TSHZ2: variants seen among roughly 807,000 people sequenced by gnomAD.
TSHZ2 encodes the protein teashirt homolog 2.
In TSHZ2, 21 loss-of-function variants were observed where a neutral mutation model predicts 74.4. The ratio of observed to expected loss-of-function variants is 0.28; its 90% confidence interval spans 0.20 to 0.41. The LOEUF is 0.41. Among genes scored for constraint, TSHZ2 ranks in the 10% least tolerant of loss-of-function variants. The probability of loss-of-function intolerance (pLI) is 1.00; values close to 1 mark genes in which losing one functional copy is unlikely to be tolerated. For missense variants in TSHZ2, 1,244 were observed against 1,293.5 expected, an observed-to-expected ratio of 0.96 and a Z score of 0.59; for synonymous variants, 540 against 515.3, an observed-to-expected ratio of 1.05 and a Z score of -0.65.
rs80347569 is a variant in TSHZ2, at chr20:53,331,872, G to A, written c.*8+75301G>A. Among the ~76,000 whole-genome samples, 189 of 152,206 alleles carry A rather than the reference G, an allele frequency of 1.2e-3. 1 individual carries two copies. Among genetic ancestry groups the A allele is most frequent in the African/African-American group, 4.5e-3 (188 of 41,528 alleles). On this transcript the variant is annotated intron_variant, in intron 2 of 2. Coordinates refer to ENST00000371497, the MANE Select transcript of TSHZ2 (RefSeq NM_173485.6). ...CTGGGCTTGATGGGCCAAGGGGAAT[G>A]GATGATGTTTGGAATCTGCAAATAG... is the stretch of plus-strand genomic sequence containing the variant.
intron 1 of TSHZ2, among the ~76,000 whole-genome samples, chr20:53,175,640 G>A (rs1330854520): frequency 2.0e-5 from 3 of 152,214 alleles, no homozygotes; most frequent in Non-Finnish European, 4.4e-5. Context: ...CCACAGATAA[G>A]CAGCTGAGGC....
At chr20:53,073,374 CTCCA>C (rs961217352) in intron 1 of TSHZ2, among the ~76,000 whole-genome samples, 7 of 149,018 alleles carry the variant, frequency 4.7e-5, no homozygotes, top group East Asian at 2.0e-4. Flanking sequence ...CCCTCCCTCC[CTCCA>C]TCCATTCATC....
At chr20:53,375,853 T>C (rs972065435) in intron 2 of TSHZ2, among the ~76,000 whole-genome samples, 1 of 152,220 alleles carries the variant, frequency 6.6e-6, no homozygotes, top group African/African-American at 2.4e-5. Flanking sequence ...ACAGTAGTTC[T>C]GGGTACTAAC....
In TSHZ2 at chr20:53,126,779, G is replaced by A. The variant is rs978857887; in HGVS notation, c.41-126720G>A. On this transcript the variant is annotated intron_variant, in intron 1 of 2. Transcript: ENST00000371497. Reference sequence around the variant, plus strand: ...AGTCTATAGCGCGAGGTAGTCATTTGCAACTACTTGACAAGCACCCCGAGG... The same window carrying A: ...AGTCTATAGCGCGAGGTAGTCATTTACAACTACTTGACAAGCACCCCGAGG... Among the ~76,000 whole-genome samples the A allele has an allele frequency of 3.9e-5, 6 of 152,270 alleles. No homozygotes were observed. The South Asian group carries it at 1.2e-3, about 32-fold the overall frequency.
At chr20:53,056,760 A>G (rs1206576542) in intron 1 of TSHZ2, among the ~76,000 whole-genome samples, 1 of 152,150 alleles carries the variant, frequency 6.6e-6, no homozygotes, top group Non-Finnish European at 1.5e-5. Flanking sequence ...CTTTCCCTGC[A>G]CCTGGACATG....
At chr20:53,001,214 G>GTGTGTGTGTGTGTGTGTGTGTA (rs1555813559) in intron 1 of TSHZ2, among the ~76,000 whole-genome samples, 2 of 125,892 alleles carry the variant, frequency 1.6e-5, no homozygotes, top group Non-Finnish European at 3.3e-5. Context: ...GCGTGTGTGT[G>GTGTGTGTGTGTGTGTGTGTGTA]TGTGTGTGTG....
chr20:53,445,864 T>C (rs1406791180), intron 2 of TSHZ2, among the ~76,000 whole-genome samples: 2 of 152,208 alleles, frequency 1.3e-5, no homozygotes, highest in Non-Finnish European at 2.9e-5. Flanking sequence ...GTCATGCCAT[T>C]GTCCTACTTG....
chr20:53,204,427 A>G (rs540184373), intron 1 of TSHZ2, among the ~76,000 whole-genome samples: 1 of 142,922 alleles, frequency 7.0e-6, no homozygotes, highest in Non-Finnish European at 1.5e-5. Flanking sequence ...TGATACTATT[A>G]TATCATAATA....
rs1426617368 is a variant in TSHZ2, at chr20:53,254,955, A to G, written c.1497A>G (p.Gln499=). 3 of 1,614,062 alleles carry G rather than the reference A, an allele frequency of 1.9e-6. No homozygotes were observed. Among genetic ancestry groups the G allele is most frequent in the African/African-American group, 1.3e-5 (1 of 75,028 alleles). The change falls in exon 2 of 3, where the codon CAA becomes CAG. Residue 499 remains glutamine, a synonymous_variant. Transcript: ENST00000371497. ...CTTTAGACCCTACAATCAAATATCA[A>G]TACCTAAGGGAGGAAGACTTGGAAG... ...QKPLDPTIKY[Q]YLREEDLEDG... is the part of the protein sequence containing the mutation.
rs573274310 is a variant in TSHZ2 at position 53,485,313 on chromosome 20, A to T, written c.*9-1831A>T. Reference sequence around the variant, plus strand: ...ATCATAAACTATTATAATGTATGTGATAGAACTTCTACAGCTGTTTATACT... The same window carrying T: ...ATCATAAACTATTATAATGTATGTGTTAGAACTTCTACAGCTGTTTATACT... On this transcript the variant is annotated intron_variant, in intron 2 of 2. Transcript: ENST00000371497. 2.6e-5 allele frequency among the ~76,000 whole-genome samples: 4 copies of T among 152,346 alleles called. No homozygotes were observed. The East Asian group carries it at 7.7e-4, about 29-fold the overall frequency.
chr20:53,009,115 G>A (rs1982759215), intron 1 of TSHZ2, among the ~76,000 whole-genome samples: 1 of 151,516 alleles, frequency 6.6e-6, no homozygotes, highest in African/African-American at 2.4e-5. Context: ...GATTGCTTGA[G>A]CCCAGGAGTT....
intron 2 of TSHZ2, among the ~76,000 whole-genome samples, chr20:53,349,787 T>G (rs1294851088): frequency 2.0e-5 from 3 of 152,240 alleles, no homozygotes; most frequent in Non-Finnish European, 4.4e-5. Context: ...CATTCTTATA[T>G]TCTTATTACT....
intron 2 of TSHZ2, among the ~76,000 whole-genome samples, chr20:53,276,543 A>G (rs569201169): frequency 2.6e-5 from 4 of 152,342 alleles, no homozygotes; most frequent in African/African-American, 7.2e-5. Flanking sequence ...GCTCTCAGAC[A>G]CAGTTTCTTC....
intron 1 of TSHZ2, among the ~76,000 whole-genome samples, chr20:53,154,930 A>G (rs1987757850): frequency 6.6e-6 from 1 of 152,148 alleles, no homozygotes; most frequent in Non-Finnish European, 1.5e-5. Context: ...CCCACTAGAA[A>G]TTATGACATC....
intron 2 of TSHZ2, among the ~76,000 whole-genome samples, chr20:53,272,447 G>A (rs578197485): frequency 1.3e-5 from 2 of 152,198 alleles, no homozygotes; most frequent in African/African-American, 4.8e-5. Flanking sequence ...TACAAATATT[G>A]GATAAAAGAA....
At chr20:53,457,283 A>G (rs1985135399) in intron 2 of TSHZ2, among the ~76,000 whole-genome samples, 1 of 141,868 alleles carries the variant, frequency 7.0e-6, no homozygotes, top group Admixed American at 7.1e-5. Flanking sequence ...CATCCCTTGT[A>G]AGTTGGATTC....
chr20:53,012,945 A>G (rs1982907971), intron 1 of TSHZ2, among the ~76,000 whole-genome samples: 2 of 152,194 alleles, frequency 1.3e-5, no homozygotes, highest in South Asian at 4.1e-4. Context: ...TTACTTTGCC[A>G]AATAAAGACA....
intron 2 of TSHZ2, among the ~76,000 whole-genome samples, chr20:53,274,076 C>G (rs1284704020): frequency 6.6e-6 from 1 of 152,120 alleles, no homozygotes; most frequent in East Asian, 1.9e-4. Flanking sequence ...GTCAGGAGAT[C>G]GAGACCATCC....
chr20:53,478,674 TAAAAA>T (rs1986059914), intron 2 of TSHZ2, among the ~76,000 whole-genome samples: 1 of 150,806 alleles, frequency 6.6e-6, no homozygotes, highest in Non-Finnish European at 1.5e-5. Context: ...AAATAAAAAA[TAAAAA>T]TAAATAAATA....
Sources: gnomAD v4.1 joint callset for allele counts (sites outside exome capture counted in the v4.1 genomes callset) on GRCh38, gnomAD v4.1.1 for gene constraint, MANE v1.5 for transcripts, NCBI Gene and HGNC (gene_info 2026-07-23, HGNC 2026-07-21) for gene names.